Variants in ZC3H11A observed in about 807,000 individuals in gnomAD.
ZC3H11A encodes the protein zinc finger CCCH domain-containing protein 11A.
Under a neutral mutation model 90.8 loss-of-function variants are expected in ZC3H11A, and 22 were observed. The observed-to-expected ratio is 0.24, with a 90% CI of 0.17 to 0.35. ZC3H11A has a LOEUF of 0.35. ZC3H11A is among the 10% of genes least tolerant of loss of function. ZC3H11A has a pLI of 1.00. For missense variants in ZC3H11A, 701 were observed against 964.9 expected (o/e 0.73, Z 3.62); for synonymous variants, 294 against 339.8 (o/e 0.87, Z 1.48).
intron 2 of ZC3H11A, among the ~76,000 whole-genome samples, chr1:203,809,349 A>C (rs552417797): frequency 9.3e-5 from 14 of 150,372 alleles, no homozygotes; most frequent in Admixed American, 4.6e-4. Context: ...CTAATTTTTT[A>C]TATTTTTAGT....
chr1:203,841,739 G>A (rs1572296204), intron 12 of ZC3H11A, among the ~76,000 whole-genome samples: 2 of 151,948 alleles, frequency 1.3e-5, no homozygotes, highest in Non-Finnish European at 2.9e-5. Flanking sequence ...GCCGGGCAGA[G>A]GCGCCCCCCA....
At chr1:203,815,346 G>A (rs1451614667) in intron 2 of ZC3H11A, among the ~76,000 whole-genome samples, 4 of 142,360 alleles carry the variant, frequency 2.8e-5, no homozygotes, top group Admixed American at 7.2e-5. Context: ...CCCCCGTGTA[G>A]CTGGGATCAC....
chr1:203,810,215 A>G (rs1052319546), intron 2 of ZC3H11A, among the ~76,000 whole-genome samples: 6 of 151,210 alleles, frequency 4.0e-5, no homozygotes, highest in Admixed American at 1.3e-4. Context: ...GTCTCAAGTG[A>G]TCCTCTTGCC....
At position 203,815,216 on chromosome 1, in the gene ZC3H11A, C is replaced by CTTTTTTTTTTTTTTT. The variant is rs59254922; in HGVS notation, c.-145-1708_-145-1694dup. On this transcript the variant is annotated intron_variant, in intron 2 of 17. Coordinates refer to ENST00000367210, the MANE Select transcript of ZC3H11A (RefSeq NM_001376342.1). ...TTCATTATTTTCTTCCTTTTCTTTT[C>CTTTTTTTTTTTTTTT]TTTTTTTTTTTTTTTTGAGACAGTG... Among the ~76,000 whole-genome samples, 143 of 97,122 alleles carry CTTTTTTTTTTTTTTT rather than the reference C, an allele frequency of 1.5e-3. 11 individuals are homozygous for CTTTTTTTTTTTTTTT. The highest frequency in any genetic ancestry group is 1.8e-3 in the Non-Finnish European group (95 of 51,626). 63.7% of individuals were successfully genotyped at this position (97,122 alleles called of 152,430 possible). A position where few individuals can be genotyped will look rare whatever the true frequency, so the allele number is the denominator to read the frequency against.
At position 203,829,444 on chromosome 1, in the gene ZC3H11A, C is replaced by T. The variant is rs763352772; in HGVS notation, c.299-7C>T. 50 of 1,613,560 alleles carry T rather than the reference C, an allele frequency of 3.1e-5. No homozygotes were observed. In the East Asian group the frequency reaches 4.7e-4, roughly 15 times the overall value. ...TTTTTAATTTATGACTGATTTTGTGCGTTTAGCTGTGTTGCCCACTGTGCC... is the reference window on the plus strand; with the variant it reads ...TTTTTAATTTATGACTGATTTTGTGTGTTTAGCTGTGTTGCCCACTGTGCC... On this transcript the variant is annotated splice_polypyrimidine_tract_variant and splice_region_variant and intron_variant, in intron 5 of 17. Transcript: ENST00000367210.
intron 3 of ZC3H11A, 141 bp downstream of exon 3, chr1:203,817,265 G>A (rs1339992919): frequency 1.7e-6 from 1 of 602,852 alleles, no homozygotes; most frequent in Non-Finnish European, 2.7e-6. Context: ...TTTTTTAAAG[G>A]ATAATGTATT....
At chr1:203,831,043 C>G (rs895376852) in intron 8 of ZC3H11A, among the ~76,000 whole-genome samples, 4 of 139,228 alleles carry the variant, frequency 2.9e-5, no homozygotes, top group Non-Finnish European at 6.1e-5. Context: ...CCTCCCAGTT[C>G]AAGCTATTCT....
intron 12 of ZC3H11A, among the ~76,000 whole-genome samples, chr1:203,841,501 G>A (rs1179073692): frequency 2.6e-5 from 4 of 152,290 alleles, no homozygotes; most frequent in Non-Finnish European, 4.4e-5. Flanking sequence ...GCATCCCAAG[G>A]CAGAAGAATT....
Position 203,817,125 on chromosome 1 carries a change from G to C in ZC3H11A, c.54+1G>C. On this transcript the variant is annotated splice_donor_variant, in intron 3 of 17. Coordinates refer to ENST00000367210, the MANE Select transcript of ZC3H11A (RefSeq NM_001376342.1). LOFTEE classifies it high-confidence loss of function. ...TTTTTTCTATTCCACATGTACCAAA[G>C]TAAGAATTGACATCTTTAAATCAGT... 1 of 1,604,376 alleles carries C rather than the reference G, an allele frequency of 6.2e-7. No homozygotes were observed. Among genetic ancestry groups the C allele is most frequent in the Non-Finnish European group, 8.5e-7 (1 of 1,175,352 alleles).
chr1:203,832,827 A>G (rs1356351704), intron 9 of ZC3H11A, among the ~76,000 whole-genome samples: 1 of 152,258 alleles, frequency 6.6e-6, no homozygotes, highest in Non-Finnish European at 1.5e-5. Flanking sequence ...ACATCGGAGT[A>G]GAGTACAGTT....
At chr1:203,847,837 T>G in intron 13 of ZC3H11A, 150 bp downstream of exon 13, 1 of 1,125,572 alleles carries the variant, frequency 8.9e-7, no homozygotes, top group Non-Finnish European at 1.2e-6. Context: ...TCAGTAGTGC[T>G]ATGTAGACCT....
chr1:203,820,972 A>G (rs954235356), intron 4 of ZC3H11A, among the ~76,000 whole-genome samples: 4 of 152,186 alleles, frequency 2.6e-5, no homozygotes, highest in Middle Eastern at 3.4e-3. Flanking sequence ...TCAGACTTCA[A>G]CTTTTTCCCC....
rs76757055 is a variant in ZC3H11A at position 203,844,983 on chromosome 1, A to G, written c.1043-2201A>G. 2.0e-5 allele frequency among the ~76,000 whole-genome samples: 3 copies of G among 152,000 alleles called. 1 individual carries two copies. In the South Asian group the frequency reaches 6.2e-4, roughly 32 times the overall value. ...TCAGGAGGAGGTCATGACTGGCCCA[A>G]CTGTTCTATAGGCAGTCCTTAAATT... On this transcript the variant is annotated intron_variant, in intron 12 of 17. Transcript: ENST00000367210.
intron 10 of ZC3H11A, among the ~76,000 whole-genome samples, chr1:203,834,793 G>A (rs1683706720): frequency 6.6e-6 from 1 of 151,992 alleles, no homozygotes; most frequent in South Asian, 2.1e-4. Flanking sequence ...GGGATTACAG[G>A]CACTACCCCT....
intron 2 of ZC3H11A, among the ~76,000 whole-genome samples, chr1:203,814,466 G>A (rs552137159): frequency 6.6e-6 from 1 of 152,262 alleles, no homozygotes; most frequent in Admixed American, 6.5e-5. Flanking sequence ...AGAGGTTGCA[G>A]TGAGCCAAGA....
Position 203,831,800 on chromosome 1 carries a change from C to T in ZC3H11A, c.811+29C>T, listed in dbSNP as rs762519776. Reference sequence around the variant, plus strand: ...AGGTATAGATAGGTCTTAGAGTTGTCAAGCCTCTACTTTTATATAATTGGG... The same window carrying T: ...AGGTATAGATAGGTCTTAGAGTTGTTAAGCCTCTACTTTTATATAATTGGG... On this transcript the variant is annotated intron_variant, in intron 9 of 17. Transcript: ENST00000367210. 5 of 1,544,018 alleles carry T rather than the reference C, an allele frequency of 3.2e-6. No individual in the cohort carries two copies. The South Asian group carries it at 5.9e-5, about 18-fold the overall frequency.
chr1:203,799,137 A>G, intron 1 of ZC3H11A: 1 of 1,508,730 alleles, frequency 6.6e-7, no homozygotes, highest in Non-Finnish European at 8.9e-7. Context: ...GATAACCAAT[A>G]TTTTACAAGA....
In ZC3H11A at chr1:203,850,563, C is replaced by T. The variant is rs776852426; in HGVS notation, c.1988C>T (p.Ser663Phe). Residue 663 changes from serine to phenylalanine, a missense_variant, in exon 16 of 18, where the codon TCC becomes TTC. By Grantham distance (155) the Ser-to-Phe change is radical (BLOSUM62 -2). Around this residue, in one of 4 missense-constraint regions of ZC3H11A, gnomAD observed 530 missense variants for 696.2 expected, o/e 0.76. Coordinates refer to ENST00000367210, the MANE Select transcript of ZC3H11A (RefSeq NM_001376342.1). ...VKPSVVKVVS[S>F]PKLAPKRKAV... is the part of the protein sequence containing the mutation. Reference sequence around the variant, plus strand: ...CCATCTGTGGTTAAAGTTGTGTCATCCCCCAAATTGGCCCCAAAACGTAAG... The same window carrying T: ...CCATCTGTGGTTAAAGTTGTGTCATTCCCCAAATTGGCCCCAAAACGTAAG... 3.7e-6 allele frequency: 6 copies of T among 1,613,852 alleles called. No individual in the cohort carries two copies. The African/African-American group carries it at 6.7e-5, about 18-fold the overall frequency.
intron 1 of ZC3H11A, chr1:203,800,219 C>T: frequency 7.0e-7 from 1 of 1,437,842 alleles, no homozygotes; most frequent in Non-Finnish European, 9.5e-7. Context: ...CGGCTTTGAC[C>T]CAGGTTGCCA....
Sources: allele counts gnomAD v4.1 joint callset (sites outside exome capture counted in the v4.1 genomes callset), GRCh38; gene constraint gnomAD v4.1.1; regional missense constraint gnomAD v4.1.1; transcripts MANE v1.5; gene names NCBI Gene and HGNC (gene_info 2026-07-23, HGNC 2026-07-21).